Variants in ADCY9 observed in about 807,000 individuals in gnomAD.
ADCY9 encodes adenylate cyclase 9, also known as adenylate cyclase type 9.
In ADCY9, 50 loss-of-function variants were observed where a neutral mutation model predicts 101.5. The observed-to-expected ratio is 0.49, with a 90% confidence interval of 0.39 to 0.62. ADCY9 has a LOEUF of 0.62. Among genes scored for constraint, ADCY9 ranks in the 20% least tolerant of loss-of-function variants. The pLI is 0.00. For missense variants in ADCY9, 1,662 were observed against 1,800.4 expected, an observed-to-expected ratio of 0.92 and a Z score of 1.39; for synonymous variants, 905 against 769.3, an observed-to-expected ratio of 1.18 and a Z score of -2.92.
rs780756690 is a variant in ADCY9, at chr16:3,966,551, G to C, written c.3286C>G (p.Leu1096Val). Residue 1096 changes from leucine to valine, a missense_variant, in exon 11 of 11, where the codon CTA becomes GTA. This residue lies in a region of ADCY9 where 220 missense variants were observed against 312.9 expected (regional missense o/e 0.70). Coordinates refer to ENST00000294016, the MANE Select transcript of ADCY9 (RefSeq NM_001116.4). ...NELIGDFDEL[L>V]SKPDYSSIEK... Reference sequence around the variant, plus strand: ...ATGCTGCTGTAGTCCGGCTTGCTTAGGAGCTCGTCAAAGTCCCCGATGAGC... The same window carrying C: ...ATGCTGCTGTAGTCCGGCTTGCTTACGAGCTCGTCAAAGTCCCCGATGAGC... The C allele has an allele frequency of 1.2e-6, 2 of 1,614,172 alleles. No individual in the cohort carries two copies. Among genetic ancestry groups the C allele is most frequent in the Non-Finnish European group, 1.7e-6 (2 of 1,180,044 alleles).
chr16:4,057,245 A>G (rs1236397851), intron 2 of ADCY9, among the ~76,000 whole-genome samples: 1 of 152,108 alleles, frequency 6.6e-6, no homozygotes, highest in Non-Finnish European at 1.5e-5. Context: ...GCCTCAAGCA[A>G]TACTCCTGCC....
At chr16:4,042,561 G>A (rs2056634636) in intron 2 of ADCY9, among the ~76,000 whole-genome samples, 1 of 152,112 alleles carries the variant, frequency 6.6e-6, no homozygotes, top group Non-Finnish European at 1.5e-5. Flanking sequence ...AGTTCCCAGA[G>A]GACCTGCATT....
At chr16:4,111,504 T>A (rs1410551706) in intron 2 of ADCY9, among the ~76,000 whole-genome samples, 1 of 152,162 alleles carries the variant, frequency 6.6e-6, no homozygotes, top group African/African-American at 2.4e-5. Flanking sequence ...ACTATGTGTG[T>A]GAAAGGGTCT....
intron 3 of ADCY9, among the ~76,000 whole-genome samples, chr16:4,003,872 G>T (rs1441763849): frequency 6.6e-6 from 1 of 151,978 alleles, no homozygotes; most frequent in East Asian, 1.9e-4. Context: ...TTTCCTTCTT[G>T]ACCTCTCCTT....
In ADCY9 at chr16:3,966,042, C is replaced by T; in HGVS notation, c.3795G>A (p.Gln1265=). 6.2e-7 allele frequency: 1 copy of T among 1,614,240 alleles called. No individual in the cohort carries two copies. Among genetic ancestry groups the T allele is most frequent in the Non-Finnish European group, 8.5e-7 (1 of 1,180,046 alleles). ...QLSISPDIRV[Q]VDGSIGRSPT... is the part of the protein sequence containing the mutation. ...GAGACCGTCCGATGCTGCCATCCAC[C>T]TGGACGCGGATGTCTGGGGAGATGG... The change falls in exon 11 of 11, where the codon CAG becomes CAA. Residue 1265 remains glutamine (Q), a synonymous_variant. Coordinates refer to ENST00000294016, the MANE Select transcript of ADCY9 (RefSeq NM_001116.4).
chr16:3,988,401 G>A (rs542211430), intron 6 of ADCY9, among the ~76,000 whole-genome samples: 8 of 151,474 alleles, frequency 5.3e-5, no homozygotes, highest in African/African-American at 1.9e-4. Flanking sequence ...GGTGGGACGG[G>A]GGCTCTTCCA....
intron 2 of ADCY9, among the ~76,000 whole-genome samples, chr16:4,054,819 G>A (rs537341423): frequency 1.1e-4 from 17 of 152,066 alleles, no homozygotes; most frequent in Non-Finnish European, 2.2e-4. Flanking sequence ...CACCTGCCTC[G>A]ACCTCCCAAA....
chr16:4,057,823 C>G (rs1413815955), intron 2 of ADCY9, among the ~76,000 whole-genome samples: 1 of 152,102 alleles, frequency 6.6e-6, no homozygotes, highest in African/African-American at 2.4e-5. Flanking sequence ...AAGAGTTGCT[C>G]CCAGCCCCAC....
At chr16:3,969,606 A>ATATATATATATATATATG (rs2056032698) in intron 10 of ADCY9, among the ~76,000 whole-genome samples, 1 of 67,862 alleles carries the variant, frequency 1.5e-5, no homozygotes, top group Non-Finnish European at 2.5e-5. Context: ...ATATATATAT[A>ATATATATATATATATATG]TATGTATTTT....
intron 2 of ADCY9, among the ~76,000 whole-genome samples, chr16:4,100,590 G>A (rs1266106349): frequency 6.6e-6 from 1 of 151,746 alleles, no homozygotes; most frequent in South Asian, 2.1e-4. Flanking sequence ...CTCAGCCTCC[G>A]AAAGTGCTGG....
chr16:3,997,726 G>A (rs938676609), intron 3 of ADCY9, among the ~76,000 whole-genome samples: 6 of 152,194 alleles, frequency 3.9e-5, no homozygotes, highest in Non-Finnish European at 7.3e-5. Context: ...CAGACTCCAG[G>A]CCGCGCTGGG....
chr16:3,992,371 G>A lies in ADCY9; in HGVS notation c.1990-8C>T, dbSNP rs747154076. 3.1e-6 allele frequency: 5 copies of A among 1,612,918 alleles called. No individual in the cohort carries two copies. The highest frequency in any genetic ancestry group is 2.7e-5 in the African/African-American group (2 of 74,882). On this transcript the variant is annotated splice_region_variant and splice_polypyrimidine_tract_variant and intron_variant, in intron 4 of 10. Coordinates refer to ENST00000294016, the MANE Select transcript of ADCY9 (RefSeq NM_001116.4). This position sits in a 1 kb window ranked among gnomAD's most constrained non-coding sequence, Gnocchi z 4.2. ...ATTAGGTCCTCCAGAAGCCTGCCTC[G>A]AGACAAAGAGGACGCAGACACGGGA...
chr16:4,047,104 C>G (rs2056670330), intron 2 of ADCY9, among the ~76,000 whole-genome samples: 1 of 152,210 alleles, frequency 6.6e-6, no homozygotes, highest in East Asian at 1.9e-4. Context: ...ACATTGAATG[C>G]TAATTTCTTC....
At chr16:3,974,838 C>T in intron 9 of ADCY9, 128 bp from the exon 10 acceptor site, 1 of 676,384 alleles carries the variant, frequency 1.5e-6, no homozygotes, top group East Asian at 2.7e-5. Context: ...ATAAAGCCAC[C>T]TGCTCCCACC....
chr16:3,983,753 C>A, intron 6 of ADCY9: 1 of 348,618 alleles, frequency 2.9e-6, no homozygotes, highest in Non-Finnish European at 5.3e-6. Context: ...AGTGAGACTC[C>A]ATCTCTACAA....
Position 3,963,790 on chromosome 16 carries a change from A to C in ADCY9, c.*1985T>G, listed in dbSNP as rs1270048942. ...TTAATACTGATGCAGAAAGAGCTTC[A>C]TGTGACCACAATCCCCACGAACAAG... On this transcript the variant is annotated 3_prime_UTR_variant, in exon 11 of 11. Transcript: ENST00000294016. 1.3e-4 allele frequency: 21 copies of C among 160,446 alleles called. No homozygotes were observed. The Admixed American group carries it at 1.4e-3, about 10-fold the overall frequency. 9.9% of individuals were successfully genotyped at this position (160,446 alleles called of 1,614,324 possible).
chr16:4,052,693 ACT>A (rs1364690076), intron 2 of ADCY9, among the ~76,000 whole-genome samples: 1 of 152,110 alleles, frequency 6.6e-6, no homozygotes, highest in African/African-American at 2.4e-5. Context: ...CTAGCGTGTA[ACT>A]CTGTTGTTTG....
chr16:4,044,932 C>A (rs529646656), intron 2 of ADCY9, among the ~76,000 whole-genome samples: 1 of 152,286 alleles, frequency 6.6e-6, no homozygotes, highest in South Asian at 2.1e-4. Context: ...CCGGCTCCCG[C>A]ACGTGACTGC....
At chr16:4,059,315 A>G (rs1377879888) in intron 2 of ADCY9, among the ~76,000 whole-genome samples, 1 of 146,472 alleles carries the variant, frequency 6.8e-6, no homozygotes, top group Non-Finnish European at 1.5e-5. Flanking sequence ...TGGAAGGCAG[A>G]GGCTGCAGTG....
Sources: gnomAD v4.1 joint callset for allele counts (sites outside exome capture counted in the v4.1 genomes callset) on GRCh38, gnomAD v4.1.1 for gene constraint, gnomAD v4.1.1 regional missense constraint, Gnocchi (gnomAD v3.1) non-coding constraint, MANE v1.5 for transcripts, NCBI Gene and HGNC (gene_info 2026-07-23, HGNC 2026-07-21) for gene names.